Variants in SDAD1 observed in about 807,000 individuals in gnomAD.
SDAD1 encodes the protein SDA1 domain containing 1.
Under a neutral mutation model 100.3 loss-of-function variants are expected in SDAD1, and 79 were observed. The ratio of observed to expected loss-of-function variants is 0.79; its 90% confidence interval spans 0.66 to 0.95. The LOEUF (loss-of-function observed/expected upper bound fraction) is 0.95, where lower values mean the gene tolerates loss of function less well. SDAD1 is among the 40% of genes least tolerant of loss of function. The pLI is 0.00. For missense variants in SDAD1, 790 were observed against 810.9 expected (o/e 0.97, Z 0.31); for synonymous variants, 267 against 271.4 (o/e 0.98, Z 0.16).
chr4:75,982,070 T>C, intron 1 of SDAD1, 33 bp from the exon 2 acceptor site: 2 of 1,331,750 alleles, frequency 1.5e-6, no homozygotes, highest in Non-Finnish European at 2.1e-6. Flanking sequence ...TTTGTCACAT[T>C]GTATTACATG....
In SDAD1 at chr4:75,982,041, C is replaced by T. The variant is rs1435995178; in HGVS notation, c.91-4G>A. 11 of 1,573,580 alleles carry T rather than the reference C, an allele frequency of 7.0e-6. No homozygotes were observed. The highest frequency in any genetic ancestry group is 7.8e-6 in the Non-Finnish European group (9 of 1,152,158). On this transcript the variant is annotated splice_polypyrimidine_tract_variant and splice_region_variant and intron_variant, in intron 1 of 21. Coordinates refer to ENST00000356260, the MANE Select transcript of SDAD1 (RefSeq NM_018115.4). ...AGTGATTATACTGCTGTAGAAACTG[C>T]AGAAAAATAAAATTTAAGTTTGTCA...
intron 17 of SDAD1, 115 bp downstream of exon 17, chr4:75,959,951 A>T: frequency 8.9e-7 from 1 of 1,120,852 alleles, no homozygotes; most frequent in Non-Finnish European, 1.2e-6. Context: ...CGTGGCACAT[A>T]GTCATTGCTC....
chr4:75,971,377 T>C lies in SDAD1; in HGVS notation c.793A>G (p.Lys265Glu). The change falls in exon 9 of 22, where the codon AAG becomes GAG. Residue 265 changes from lysine (K) to glutamate (E), a missense_variant. Transcript: ENST00000356260. ...CCCACCTTGAGCACTTTCATTGCCT[T>C]TTCCAACTTTTTCTTGTTTTTGGAA... ...KSSKNKKKLE[K>E]AMKVLKKQKK... 1 of 1,613,842 alleles carries C rather than the reference T, an allele frequency of 6.2e-7. No individual in the cohort carries two copies.
chr4:75,951,226 T>C (rs1006636110), intron 21 of SDAD1, among the ~76,000 whole-genome samples: 3 of 152,210 alleles, frequency 2.0e-5, no homozygotes, highest in Admixed American at 2.0e-4. Flanking sequence ...TCACATATAT[T>C]CCACTAAATA....
At chr4:75,954,510 A>T (rs917985489) in intron 21 of SDAD1, among the ~76,000 whole-genome samples, 16 of 151,874 alleles carry the variant, frequency 1.1e-4, no homozygotes, top group Admixed American at 9.2e-4. Context: ...CCATCTCTAC[A>T]AAAAATACAA....
chr4:75,976,422 G>A (rs537284992), intron 4 of SDAD1, among the ~76,000 whole-genome samples: 92 of 152,298 alleles, frequency 6.0e-4, no homozygotes, highest in Admixed American at 1.0e-3. Flanking sequence ...GCTACAACAT[G>A]AATGAATCTT....
At chr4:75,957,986 A>G (rs1429936442) in intron 17 of SDAD1, 45 bp from the exon 18 acceptor site, 7 of 1,467,836 alleles carry the variant, frequency 4.8e-6, no homozygotes, top group East Asian at 4.5e-5. Flanking sequence ...TATGTTGCAC[A>G]TTCAACATAA....
At chr4:75,966,265 C>CAT (rs1355180075) in intron 12 of SDAD1, among the ~76,000 whole-genome samples, 1 of 115,962 alleles carries the variant, frequency 8.6e-6, no homozygotes, top group Non-Finnish European at 1.7e-5. Context: ...TGAATGAATG[C>CAT]ATACACACAC....
Position 75,970,348 on chromosome 4 carries a change from A to T in SDAD1, c.844T>A (p.Phe282Ile), listed in dbSNP as rs1729795531. The change falls in exon 10 of 22, where the codon TTT (phenylalanine) becomes ATT (isoleucine). Residue 282 changes from phenylalanine (F) to isoleucine (I), a missense_variant. Physicochemically the swap from Phe to Ile is conservative, Grantham distance 21. Transcript: ENST00000356260. ...KQKKKKKPEV[F>I]NFSAIHLIHD... ...ATCAAGTGAATGGCTGAAAAGTTAA[A>T]CACCTCTGGTTTTTTCTTCTTTTTT... The T allele has an allele frequency of 6.2e-7, 1 of 1,613,966 alleles. No homozygotes were observed.
chr4:75,955,903 T>A, intron 21 of SDAD1, 72 bp downstream of exon 21: 1 of 1,498,836 alleles, frequency 6.7e-7, no homozygotes, highest in Non-Finnish European at 8.9e-7. Flanking sequence ...AAGGCGCAAG[T>A]CCGTCTCAAA....
chr4:75,974,402 CAAA>C (rs36025367), intron 6 of SDAD1, among the ~76,000 whole-genome samples: 55 of 110,874 alleles, frequency 5.0e-4, no homozygotes, highest in South Asian at 1.2e-3. Context: ...TAGTCAAGTG[CAAA>C]AAAAAAAAAA....
At chr4:75,969,526 A>G in intron 10 of SDAD1, 127 bp from the exon 11 acceptor site, 1 of 611,050 alleles carries the variant, frequency 1.6e-6, no homozygotes, top group South Asian at 2.2e-5. Context: ...ATATGTCAAT[A>G]TATGTAATGG....
Position 75,957,503 on chromosome 4 carries a change from G to A in SDAD1, c.1769+15C>T, listed in dbSNP as rs771432388. 1 of 1,613,346 alleles carries A rather than the reference G, an allele frequency of 6.2e-7. No individual in the cohort carries two copies. The highest frequency in any genetic ancestry group is 1.1e-5 in the South Asian group (1 of 91,046). On this transcript the variant is annotated intron_variant, in intron 19 of 21. Transcript: ENST00000356260. ...ATGAGCTGACTGAAGTACTAAAGTG[G>A]ATGTGCCATTTTACCTGGGCTCTTC...
At chr4:75,963,751 G>C (rs1729382929) in intron 14 of SDAD1, among the ~76,000 whole-genome samples, 2 of 152,124 alleles carry the variant, frequency 1.3e-5, no homozygotes, top group Non-Finnish European at 2.9e-5. Context: ...GCCCCCACCA[G>C]GTGCCAGACA....
intron 6 of SDAD1, 94 bp downstream of exon 6, chr4:75,975,650 C>A: frequency 1.2e-6 from 1 of 819,384 alleles, no homozygotes; most frequent in Non-Finnish European, 2.0e-6. Context: ...TATTAAAGAG[C>A]TCAAGCTCAA....
chr4:75,964,940 T>G (rs1226425440), intron 13 of SDAD1, among the ~76,000 whole-genome samples: 1 of 152,158 alleles, frequency 6.6e-6, no homozygotes, highest in African/African-American at 2.4e-5. Flanking sequence ...CTGTGATGAT[T>G]GTGTTAACTG....
At chr4:75,958,239 C>A (rs560784016) in intron 17 of SDAD1, among the ~76,000 whole-genome samples, 2 of 152,120 alleles carry the variant, frequency 1.3e-5, no homozygotes, top group African/African-American at 4.8e-5. Context: ...CAAGCCACAC[C>A]GCTAAAAAGG....
chr4:75,963,254 T>TCTGTTTTGGTACCAGACCATG (rs1729350092), intron 14 of SDAD1, among the ~76,000 whole-genome samples: 1 of 143,160 alleles, frequency 7.0e-6, no homozygotes, highest in Admixed American at 7.1e-5. Context: ...GGTCTCTATC[T>TCTGTTTTGGTACCAGACCATG]CTGTTTTGGT....
chr4:75,970,109 A>G (rs190311627), intron 10 of SDAD1, among the ~76,000 whole-genome samples, 200 bp downstream of exon 10: 1 of 151,592 alleles, frequency 6.6e-6, no homozygotes, highest in Admixed American at 6.6e-5. Context: ...GTTTTTCCAT[A>G]TTTTTCTTGT....
Sources: allele counts gnomAD v4.1 joint callset (sites outside exome capture counted in the v4.1 genomes callset), GRCh38; gene constraint gnomAD v4.1.1; transcripts MANE v1.5; gene names NCBI Gene and HGNC (gene_info 2026-07-23, HGNC 2026-07-21).